The following AGBL4 variants were observed in gnomAD, a reference collection of about 807,000 sequenced individuals.
AGBL4 encodes the protein AGBL carboxypeptidase 4, also known as cytosolic carboxypeptidase 6.
Under a neutral mutation model 66.4 loss-of-function variants are expected in AGBL4, and 58 were observed. The ratio of observed to expected loss-of-function variants is 0.87; its 90% CI spans 0.71 to 1.09. The LOEUF (loss-of-function observed/expected upper bound fraction) is 1.09, where lower values mean the gene tolerates loss of function less well. Ranked by LOEUF, AGBL4 falls within the 50% of genes least tolerant of loss-of-function variation. The probability of loss-of-function intolerance (pLI) is 0.00; values close to 1 mark genes in which losing one functional copy is unlikely to be tolerated. For missense variants in AGBL4, 579 were observed against 631.0 expected (o/e 0.92, Z 0.88); for synonymous variants, 234 against 222.9 (o/e 1.05, Z -0.44).
rs375469637 is a variant in AGBL4, at chr1:49,941,202, G to A, written c.34+82561C>T. 4.9e-4 allele frequency among the ~76,000 whole-genome samples: 75 copies of A among 152,152 alleles called. 1 individual carries two copies. The South Asian group carries it at 9.5e-3, about 19-fold the overall frequency. ...TAATCAGTAGTTTTTTAAGTCTCCC[G>A]TCAAAGAAAAGTATAGAACCAGATT... On this transcript the variant is annotated intron_variant, in intron 1 of 13. Coordinates refer to ENST00000371839, the MANE Select transcript of AGBL4 (RefSeq NM_032785.4).
intron 3 of AGBL4, among the ~76,000 whole-genome samples, chr1:49,286,100 A>G: frequency 6.6e-6 from 1 of 152,234 alleles, no homozygotes; most frequent in Admixed American, 6.5e-5. Context: ...AACAGAGCCA[A>G]AGACAAAAAC....
intron 2 of AGBL4, among the ~76,000 whole-genome samples, chr1:49,827,216 A>G (rs768655300): frequency 1.3e-5 from 2 of 152,044 alleles, no homozygotes; most frequent in Non-Finnish European, 2.9e-5. Context: ...ATCAGTAGCA[A>G]TGAAATTTCA....
intron 2 of AGBL4, among the ~76,000 whole-genome samples, chr1:49,769,044 T>C (rs988930101): frequency 6.6e-6 from 1 of 152,228 alleles, no homozygotes; most frequent in South Asian, 2.1e-4. Flanking sequence ...AGACAGGGTT[T>C]CACCATGTTG....
intron 3 of AGBL4, among the ~76,000 whole-genome samples, chr1:49,662,331 A>G (rs1360285985): frequency 6.6e-6 from 1 of 151,974 alleles, no homozygotes; most frequent in African/African-American, 2.4e-5. Flanking sequence ...TGGATTTAAA[A>G]CATTAGCCAT....
chr1:49,262,243 G>C (rs544651476), intron 3 of AGBL4, among the ~76,000 whole-genome samples: 103 of 152,246 alleles, frequency 6.8e-4, no homozygotes, highest in Middle Eastern at 3.4e-3. Context: ...TCAGGACATA[G>C]GCATGGGCAA....
rs941185879 is a variant in AGBL4 at position 48,627,300 on chromosome 1, GTTTA to G, written c.951+7189_951+7192del. On this transcript the variant is annotated intron_variant, in intron 9 of 13. Coordinates refer to ENST00000371839, the MANE Select transcript of AGBL4 (RefSeq NM_032785.4). ...TGTAATTATGTAGAACTGCATACTT[GTTTA>G]TGTGCCTGTTTTTATTTACCATGTT... 2.6e-5 allele frequency among the ~76,000 whole-genome samples: 4 copies of G among 152,114 alleles called. No homozygotes were observed. In the East Asian group the frequency reaches 7.7e-4, roughly 29 times the overall value.
At chr1:49,240,922 C>A (rs1651178970) in intron 4 of AGBL4, among the ~76,000 whole-genome samples, 1 of 151,954 alleles carries the variant, frequency 6.6e-6, no homozygotes. Flanking sequence ...TGGTCCCTAT[C>A]TTCAGTAAAT....
intron 3 of AGBL4, among the ~76,000 whole-genome samples, chr1:49,516,367 A>G (rs1649825258): frequency 6.6e-6 from 1 of 152,088 alleles, no homozygotes; most frequent in Non-Finnish European, 1.5e-5. Context: ...GGTAACAACT[A>G]AACTGAGCCC....
chr1:49,191,234 C>T (rs1647112838), intron 4 of AGBL4, among the ~76,000 whole-genome samples: 1 of 152,176 alleles, frequency 6.6e-6, no homozygotes, highest in African/African-American at 2.4e-5. Flanking sequence ...ATCAATGTCT[C>T]CCACTGTCCA....
chr1:48,538,037 A>T (rs1644002082), intron 12 of AGBL4, among the ~76,000 whole-genome samples: 1 of 152,180 alleles, frequency 6.6e-6, no homozygotes, highest in Non-Finnish European at 1.5e-5. Flanking sequence ...TCAGGGGCAC[A>T]AGAAATAGAC....
chr1:48,629,370 C>T (rs1008901694), intron 9 of AGBL4, among the ~76,000 whole-genome samples: 15 of 152,160 alleles, frequency 9.9e-5, no homozygotes, highest in African/African-American at 3.4e-4. Flanking sequence ...TAAGCTCTCG[C>T]CTGAAAGGTA....
chr1:50,000,668 G>A (rs531918399), intron 1 of AGBL4, among the ~76,000 whole-genome samples: 8 of 152,278 alleles, frequency 5.3e-5, no homozygotes, highest in African/African-American at 1.7e-4. Flanking sequence ...TACGGAACCA[G>A]CCCAAATGTC....
At chr1:49,501,240 A>G (rs1648120948) in intron 3 of AGBL4, among the ~76,000 whole-genome samples, 1 of 152,096 alleles carries the variant, frequency 6.6e-6, no homozygotes, top group African/African-American at 2.4e-5. Flanking sequence ...AACTCTTTCA[A>G]TGAGTTCTTT....
At chr1:48,901,145 A>C (rs1652042753) in intron 5 of AGBL4, among the ~76,000 whole-genome samples, 1 of 152,220 alleles carries the variant, frequency 6.6e-6, no homozygotes, top group Non-Finnish European at 1.5e-5. Context: ...GTCATTAGGA[A>C]AATGCAAATT....
intron 2 of AGBL4, among the ~76,000 whole-genome samples, chr1:49,794,087 C>A (rs1644672984): frequency 6.6e-6 from 1 of 151,750 alleles, no homozygotes; most frequent in African/African-American, 2.4e-5. Flanking sequence ...AACAGCTTGG[C>A]AAAATTGAAG....
rs139682139 is a variant in AGBL4, at chr1:48,603,744, G to A, written c.952-12759C>T. Among the ~76,000 whole-genome samples the A allele has an allele frequency of 2.0e-3, 304 of 152,248 alleles. 2 individuals carry two copies. The highest frequency in any genetic ancestry group is 6.7e-3 in the African/African-American group (280 of 41,552). On this transcript the variant is annotated intron_variant, in intron 9 of 13. Coordinates refer to ENST00000371839, the MANE Select transcript of AGBL4 (RefSeq NM_032785.4). ...ATAAGACTCAAAGGCAGGTAGACTA[G>A]TTAGAACATTTTTGTTATAATCCAA...
chr1:49,589,717 G>A (rs1028326223), intron 3 of AGBL4, among the ~76,000 whole-genome samples: 14 of 152,018 alleles, frequency 9.2e-5, no homozygotes, highest in African/African-American at 3.1e-4. Context: ...TTATTACTGC[G>A]AGAGTGAAAT....
At chr1:48,589,376 T>TG (rs1644878161) in intron 10 of AGBL4, among the ~76,000 whole-genome samples, 1 of 152,236 alleles carries the variant, frequency 6.6e-6, no homozygotes, top group Non-Finnish European at 1.5e-5. Flanking sequence ...ACTAATGTCC[T>TG]GGCTTGAAGC....
At chr1:49,226,790 T>C (rs1444239798) in intron 4 of AGBL4, among the ~76,000 whole-genome samples, 1 of 152,214 alleles carries the variant, frequency 6.6e-6, no homozygotes, top group African/African-American at 2.4e-5. Context: ...TATGTACATG[T>C]CCTTTAAAGT....
Sources: allele counts gnomAD v4.1 joint callset (sites outside exome capture counted in the v4.1 genomes callset), GRCh38; gene constraint gnomAD v4.1.1; transcripts MANE v1.5; gene names NCBI Gene and HGNC (gene_info 2026-07-23, HGNC 2026-07-21).